The following GCFC2 variants were observed in gnomAD, a reference collection of about 807,000 sequenced individuals.
The protein encoded by GCFC2 is intron Large complex component GCFC2.
GCFC2 carries 102 observed loss-of-function variants against 99.4 expected under a neutral mutation model. The observed-to-expected ratio is 1.03, with a 90% CI of 0.87 to 1.21. The LOEUF is 1.21. Ranked by LOEUF, GCFC2 falls within the 50% of genes most tolerant of loss-of-function variation. The pLI is 0.00. For missense variants in GCFC2, 973 were observed against 920.9 expected (o/e 1.06, Z -0.73); for synonymous variants, 338 against 316.8 (o/e 1.07, Z -0.71).
rs753449346 is a variant in GCFC2 at position 75,701,293 on chromosome 2, G to T, written c.620-6C>A. 6.5e-7 allele frequency: 1 copy of T among 1,544,438 alleles called. No individual in the cohort carries two copies. Among genetic ancestry groups the T allele is most frequent in the Non-Finnish European group, 8.9e-7 (1 of 1,119,544 alleles). ...TGTTTCTTCATTTCTGCTTACTAGC[G>T]GAAAAAAAGCTCACATGTAAACGTT... On this transcript the variant is annotated splice_polypyrimidine_tract_variant and splice_region_variant and intron_variant, in intron 3 of 16. Transcript: ENST00000321027.
intron 12 of GCFC2, among the ~76,000 whole-genome samples, chr2:75,676,663 G>A (rs545698192): frequency 6.6e-6 from 1 of 152,290 alleles, no homozygotes; most frequent in Admixed American, 6.5e-5. Context: ...TGTTACTCAA[G>A]TGACACTGCT....
At chr2:75,679,940 A>G in intron 12 of GCFC2, 1 of 438,266 alleles carries the variant, frequency 2.3e-6, no homozygotes, top group Non-Finnish European at 4.0e-6. Context: ...CACAGTGTTG[A>G]GAAGTATCAA....
intron 16 of GCFC2, among the ~76,000 whole-genome samples, chr2:75,665,193 T>C (rs11678389): frequency 0.5 from 75,934 of 151,526 alleles, 20,554 homozygotes; most frequent in African/African-American, 0.73. Context: ...GCTCTGCTGG[T>C]CAGACTGGAG....
chr2:75,666,942 T>C (rs1293545789), intron 15 of GCFC2, among the ~76,000 whole-genome samples: 1 of 152,152 alleles, frequency 6.6e-6, no homozygotes, highest in Admixed American at 6.5e-5. Flanking sequence ...TATTTAAAGC[T>C]CCGTGCTACG....
In GCFC2 at chr2:75,698,518, CAA is replaced by C. The variant is rs370927371; in HGVS notation, c.718-2205_718-2204del. 4.4e-3 allele frequency among the ~76,000 whole-genome samples: 666 copies of C among 152,110 alleles called. 4 individuals are homozygous for C. Among genetic ancestry groups the C allele is most frequent in the African/African-American group, 0.016 (646 of 41,484 alleles). ...ATCAGTTGTTATAACGATATAAAAA[CAA>C]GAGAAGATAATTTATAATATGTCAA... On this transcript the variant is annotated intron_variant, in intron 4 of 16. Coordinates refer to ENST00000321027, the MANE Select transcript of GCFC2 (RefSeq NM_003203.5).
chr2:75,675,751 A>AAAC (rs1553433071), intron 12 of GCFC2, among the ~76,000 whole-genome samples: 15 of 151,258 alleles, frequency 9.9e-5, no homozygotes, highest in African/African-American at 3.6e-4. Flanking sequence ...CAAAAAAAAA[A>AAAC]AAAAAAACAA....
rs915616000 is a variant in GCFC2 at position 75,689,294 on chromosome 2, G to A, written c.1340-69C>T. On this transcript the variant is annotated intron_variant, in intron 9 of 16. Transcript: ENST00000321027. ...TTTAAGTATGCTTCCTTAAAAACAC[G>A]GTCATGATGGACTGTAATCAATTGA... 23 of 795,482 alleles carry A rather than the reference G, an allele frequency of 2.9e-5. 2 individuals are homozygous for A. Among genetic ancestry groups the A allele is most frequent in the Middle Eastern group, 2.8e-4 (1 of 3,594 alleles). The allele number at this position is 795,482 out of a possible 1,614,324, so 49.3% of individuals were successfully genotyped here.
chr2:75,686,300 C>T (rs561187015), intron 11 of GCFC2, among the ~76,000 whole-genome samples: 3 of 151,954 alleles, frequency 2.0e-5, no homozygotes, highest in East Asian at 3.9e-4. Flanking sequence ...GGGGTTTCAC[C>T]TCGTTGCCAA....
intron 15 of GCFC2, among the ~76,000 whole-genome samples, chr2:75,667,552 G>A (rs1285513510): frequency 6.6e-6 from 1 of 151,178 alleles, no homozygotes; most frequent in Non-Finnish European, 1.5e-5. Flanking sequence ...CACACTGACT[G>A]CCTAAGGCAG....
upstream of GCFC2, among the ~76,000 whole-genome samples, chr2:75,712,696 A>G (rs1681238558): frequency 6.6e-6 from 1 of 152,140 alleles, no homozygotes; most frequent in African/African-American, 2.4e-5. Context: ...GAAGATCTGC[A>G]GCTTCATTCC....
intron 11 of GCFC2, among the ~76,000 whole-genome samples, chr2:75,682,486 G>A (rs1196689982): frequency 2.0e-5 from 3 of 151,818 alleles, no homozygotes; most frequent in Admixed American, 6.5e-5. Context: ...CACAAAGATG[G>A]GGAGAAACCA....
chr2:75,706,019 G>A (rs1371674010), intron 2 of GCFC2, among the ~76,000 whole-genome samples: 1 of 152,206 alleles, frequency 6.6e-6, no homozygotes, highest in Non-Finnish European at 1.5e-5. Flanking sequence ...ATCTTTCTAA[G>A]ACACAAAAAC....
chr2:75,706,355 C>A (rs1044712948), intron 2 of GCFC2, among the ~76,000 whole-genome samples, 168 bp downstream of exon 2: 1 of 152,142 alleles, frequency 6.6e-6, no homozygotes, highest in African/African-American at 2.4e-5. Context: ...AGCTGTCTGA[C>A]CTGTGCATGT....
At chr2:75,675,907 A>G (rs181607726) in intron 12 of GCFC2, among the ~76,000 whole-genome samples, 5 of 152,204 alleles carry the variant, frequency 3.3e-5, no homozygotes, top group East Asian at 1.9e-4. Context: ...ACACTTTCAG[A>G]CTCACATACA....
At chr2:75,706,458 A>G (rs1317838811) in intron 2 of GCFC2, 65 bp downstream of exon 2, 1 of 1,055,122 alleles carries the variant, frequency 9.5e-7, no homozygotes, top group African/African-American at 1.6e-5. Flanking sequence ...TATGTCATTA[A>G]TAACTATATC....
chr2:75,698,307 T>C (rs1490118183), intron 4 of GCFC2, among the ~76,000 whole-genome samples: 1 of 152,174 alleles, frequency 6.6e-6, no homozygotes, highest in African/African-American at 2.4e-5. Context: ...TGGCAATTAT[T>C]ACAAAGGAAT....
At chr2:75,691,103 C>A (rs551638153) in intron 7 of GCFC2, among the ~76,000 whole-genome samples, 1 of 152,134 alleles carries the variant, frequency 6.6e-6, no homozygotes. Context: ...GCAGGGGACA[C>A]CTTCTAAGAA....
intron 4 of GCFC2, among the ~76,000 whole-genome samples, chr2:75,697,037 T>C (rs1680358787): frequency 1.3e-5 from 2 of 152,180 alleles, no homozygotes; most frequent in Non-Finnish European, 2.9e-5. Context: ...CTGCCTGCCG[T>C]GGCCTCCCAA....
intron 3 of GCFC2, 32 bp from the exon 4 acceptor site, chr2:75,701,319 T>C (rs1573088445): frequency 1.5e-6 from 2 of 1,306,310 alleles, no homozygotes; most frequent in Non-Finnish European, 2.2e-6. Context: ...TGTAAACGTT[T>C]AGTATTTTTC....
Sources: allele counts gnomAD v4.1 joint callset (sites outside exome capture counted in the v4.1 genomes callset), GRCh38; gene constraint gnomAD v4.1.1; transcripts MANE v1.5; gene names NCBI Gene and HGNC (gene_info 2026-07-23, HGNC 2026-07-21).